MED13: variants seen among roughly 807,000 people sequenced by gnomAD.
MED13 encodes mediator complex subunit 13, also known as mediator of RNA polymerase II transcription subunit 13.
Under a neutral mutation model 225.2 loss-of-function variants are expected in MED13, and 23 were observed. That is an observed-to-expected ratio of 0.10 (90% CI 0.07 to 0.14). MED13 has a LOEUF of 0.14. Among genes scored for constraint, MED13 ranks in the 10% least tolerant of loss-of-function variants. The probability of loss-of-function intolerance (pLI) is 1.00; values close to 1 mark genes in which losing one functional copy is unlikely to be tolerated. For synonymous variants in MED13, 942 were observed against 889.2 expected, an observed-to-expected ratio of 1.06 and a Z score of -1.06; for missense variants, 2,197 against 2,594.5, an observed-to-expected ratio of 0.85 and a Z score of 3.33.
At chr17:62,030,260 C>G (rs2080742080) in intron 6 of MED13, 1 of 361,542 alleles carries the variant, frequency 2.8e-6, no homozygotes, top group East Asian at 4.6e-5. Flanking sequence ...CCAGGCAGGG[C>G]CAGCACACGG....
At chr17:62,005,574 C>A (rs1295766122) in intron 9 of MED13, 1 of 151,702 alleles carries the variant, frequency 6.6e-6, no homozygotes, top group African/African-American at 2.4e-5. Flanking sequence ...CCAATGCGCT[C>A]CAGCCTGAAT....
chr17:62,043,173 A>AAAG (rs2080869065), intron 3 of MED13, among the ~76,000 whole-genome samples: 1 of 149,160 alleles, frequency 6.7e-6, no homozygotes, highest in Non-Finnish European at 1.5e-5. Flanking sequence ...AAAAAAAAAA[A>AAAG]AAAAAAAAAA....
intron 16 of MED13, among the ~76,000 whole-genome samples, chr17:61,974,148 A>T (rs923077030): frequency 2.6e-5 from 4 of 152,212 alleles, no homozygotes; most frequent in African/African-American, 9.7e-5. Flanking sequence ...GTGGTGGCTC[A>T]TGCCTGTAAT....
chr17:62,001,621 AACT>A (rs1475516849), intron 9 of MED13, among the ~76,000 whole-genome samples: 1 of 152,214 alleles, frequency 6.6e-6, no homozygotes. Flanking sequence ...TGACACACCA[AACT>A]ACTAAGGAGC....
intron 8 of MED13, among the ~76,000 whole-genome samples, chr17:62,025,640 T>TG (rs2080693918): frequency 6.6e-6 from 1 of 152,166 alleles, no homozygotes; most frequent in African/African-American, 2.4e-5. Context: ...ATTGCACTCC[T>TG]GTCTGCGAGA....
rs995565658 is a variant in MED13 at position 61,945,166 on chromosome 17, T to C, written c.*1302A>G. On this transcript the variant is annotated 3_prime_UTR_variant, in exon 30 of 30. Coordinates refer to ENST00000397786, the MANE Select transcript of MED13 (RefSeq NM_005121.3). The stretch of plus-strand genomic sequence containing the variant: ...AAAAATGGTTCTTTCACTAGTGGAA[T>C]AGAGTCTGAATACCAGAATTCACTG... 6.6e-6 allele frequency: 1 copy of C among 152,178 alleles called. No homozygotes were observed. The highest frequency in any genetic ancestry group is 2.4e-5 in the African/African-American group (1 of 41,432). The allele number at this position is 152,178 out of a possible 1,614,324, so 9.4% of individuals were successfully genotyped here.
At chr17:62,047,760 A>G (rs2080911235) in intron 3 of MED13, among the ~76,000 whole-genome samples, 1 of 149,768 alleles carries the variant, frequency 6.7e-6, no homozygotes, top group South Asian at 2.1e-4. Context: ...ATCATTAAAA[A>G]AGAGAGAGAG....
intron 17 of MED13, among the ~76,000 whole-genome samples, chr17:61,971,484 G>C (rs2080108789): frequency 6.6e-6 from 1 of 151,930 alleles, no homozygotes; most frequent in African/African-American, 2.4e-5. Context: ...TTTTAGTAGA[G>C]ACGGGGTTTC....
chr17:62,063,339 T>C lies in MED13; in HGVS notation c.67-38A>G, dbSNP rs1298949280. ...AAGCATTAAGTTTTATTACTGCATA[T>C]TCACTCAAAGTCAAAAGTACTCAAT... On this transcript the variant is annotated intron_variant, in intron 1 of 29. Coordinates refer to ENST00000397786, the MANE Select transcript of MED13 (RefSeq NM_005121.3). 2.2e-6 allele frequency: 3 copies of C among 1,393,972 alleles called. No homozygotes were observed. The South Asian group carries it at 3.6e-5, about 17-fold the overall frequency. The allele number at this position is 1,393,972 out of a possible 1,614,324, so 86.4% of individuals were successfully genotyped here.
In MED13 at chr17:61,945,343, C is replaced by G. The variant is rs1325127098; in HGVS notation, c.*1125G>C. 1 of 152,300 alleles carries G rather than the reference C, an allele frequency of 6.6e-6. No homozygotes were observed. Among genetic ancestry groups the G allele is most frequent in the East Asian group, 1.9e-4 (1 of 5,186 alleles). The allele number at this position is 152,300 out of a possible 1,614,324, so 9.4% of individuals were successfully genotyped here. On this transcript the variant is annotated 3_prime_UTR_variant, in exon 30 of 30. Transcript: ENST00000397786. ...AAAATAATTTGTAAAATGCCTAGAG[C>G]TGGGCTAAATTTCAACCTTATAGCA... is the stretch of plus-strand genomic sequence containing the variant.
chr17:61,969,512 T>C (rs1849336535), intron 17 of MED13, among the ~76,000 whole-genome samples: 4 of 152,042 alleles, frequency 2.6e-5, no homozygotes, highest in Admixed American at 2.6e-4. Flanking sequence ...TCCTTATTTA[T>C]ACATTTAAAA....
chr17:62,039,902 A>T (rs1428046193), intron 3 of MED13, among the ~76,000 whole-genome samples: 1 of 151,566 alleles, frequency 6.6e-6, no homozygotes, highest in African/African-American at 2.4e-5. Context: ...CCGGCCTGAA[A>T]TTTTTTTTAA....
At chr17:62,008,015 T>TAAAAAAAAAA (rs2080468431) in intron 9 of MED13, among the ~76,000 whole-genome samples, 1 of 44,256 alleles carries the variant, frequency 2.3e-5, no homozygotes, top group Non-Finnish European at 3.4e-5. Context: ...CGAGACTGTC[T>TAAAAAAAAAA]CAAAAAAAAA....
At chr17:61,951,632 C>A (rs2079897499) in intron 27 of MED13, among the ~76,000 whole-genome samples, 1 of 151,970 alleles carries the variant, frequency 6.6e-6, no homozygotes, top group Non-Finnish European at 1.5e-5. Context: ...AGCAAAAATG[C>A]AATATTTAAA....
At chr17:62,049,747 G>A (rs1157915791) in intron 3 of MED13, among the ~76,000 whole-genome samples, 1 of 151,490 alleles carries the variant, frequency 6.6e-6, no homozygotes, top group East Asian at 2.0e-4. Flanking sequence ...CTGGCTACAT[G>A]GTGAAACCCC....
In MED13 at chr17:61,965,325, C is replaced by T. The variant is rs1337695077; in HGVS notation, c.4525G>A (p.Ala1509Thr). 3 of 1,614,072 alleles carry T rather than the reference C, an allele frequency of 1.9e-6. No individual in the cohort carries two copies. The highest frequency in any genetic ancestry group is 2.5e-6 in the Non-Finnish European group (3 of 1,180,038). The stretch of plus-strand genomic sequence containing the variant: ...GTCACTGTCATAGTGCTGCTCGCTG[C>T]AGATGCTAAGGTGGCAGATGGAGTA... ...ANTPSATLASAASSTMTVTSG... is the reference protein window; with the variant it reads ...ANTPSATLASTASSTMTVTSG... Residue 1509 changes from alanine to threonine, a missense_variant, in exon 20 of 30, where the codon GCA (alanine) becomes ACA (threonine). By Grantham distance (58) the Ala-to-Thr change is moderately conservative. Around this residue, in one of 12 missense-constraint regions of MED13, gnomAD observed 457 missense variants for 442.2 expected, o/e 1.03. Coordinates refer to ENST00000397786, the MANE Select transcript of MED13 (RefSeq NM_005121.3).
At chr17:61,984,895 A>G (rs768586563) in intron 13 of MED13, 30 bp from the exon 14 acceptor site, 2 of 1,593,552 alleles carry the variant, frequency 1.3e-6, no homozygotes, top group East Asian at 4.5e-5. Flanking sequence ...ACATTTTAAC[A>G]TGACTAAAAA....
rs1396688910 is a variant in MED13, at chr17:62,065,074, CCCCCACGGCCCAAGGGCGCA to C, written c.66+46_66+65del. 22 of 1,408,980 alleles carry C rather than the reference CCCCCACGGCCCAAGGGCGCA, an allele frequency of 1.6e-5. No homozygotes were observed. The South Asian group carries it at 1.7e-4, about 11-fold the overall frequency. The allele number at this position is 1,408,980 out of a possible 1,614,324, so 87.3% of individuals were successfully genotyped here. On this transcript the variant is annotated intron_variant, in intron 1 of 29. Transcript: ENST00000397786. ...GCATCTGGACCAGACCCGGCCCCCT[CCCCCACGGCCCAAGGGCGCA>C]CCTCGCGGCCCCCCTCCCTCGGCGC...
chr17:62,063,409 T>G lies in MED13; in HGVS notation c.67-108A>C. 4.2e-6 allele frequency: 3 copies of G among 713,254 alleles called. No individual in the cohort carries two copies. The South Asian group carries it at 6.3e-5, about 15-fold the overall frequency. 44.2% of individuals were successfully genotyped at this position (713,254 alleles called of 1,614,324 possible). A position where few individuals can be genotyped will look rare whatever the true frequency, so the allele number is the denominator to read the frequency against. On this transcript the variant is annotated intron_variant, in intron 1 of 29. Transcript: ENST00000397786. ...TAAGACATTACAATTTTTCAATGTA[T>G]GCTTGAGATATTGACTGCAAATTAG...
Sources: gnomAD v4.1 joint callset for allele counts (sites outside exome capture counted in the v4.1 genomes callset) on GRCh38, gnomAD v4.1.1 for gene constraint, gnomAD v4.1.1 regional missense constraint, MANE v1.5 for transcripts, NCBI Gene and HGNC (gene_info 2026-07-23, HGNC 2026-07-21) for gene names.